Variants in GTF2E2 observed in about 807,000 individuals in gnomAD.
GTF2E2 encodes general transcription factor IIE subunit 2, also known as transcription initiation factor IIE subunit beta.
In GTF2E2, 21 loss-of-function variants were observed where a neutral mutation model predicts 40.5. That is an observed-to-expected ratio of 0.52 (90% CI 0.37 to 0.75). GTF2E2 has a LOEUF of 0.75. Ranked by LOEUF, GTF2E2 falls within the 30% of genes least tolerant of loss-of-function variation. The probability of loss-of-function intolerance (pLI) is 0.00; values close to 1 mark genes in which losing one functional copy is unlikely to be tolerated. For missense variants in GTF2E2, 298 were observed against 338.4 expected, an observed-to-expected ratio of 0.88 and a Z score of 0.94; for synonymous variants, 117 against 121.6, an observed-to-expected ratio of 0.96 and a Z score of 0.25.
At chr8:30,615,661 G>A (rs1199901161) in intron 3 of GTF2E2, among the ~76,000 whole-genome samples, 5 of 152,008 alleles carry the variant, frequency 3.3e-5, no homozygotes, top group South Asian at 2.1e-4. Context: ...ACACACACAC[G>A]TAGATACCAA....
intron 6 of GTF2E2, among the ~76,000 whole-genome samples, chr8:30,601,001 T>G (rs1829164734): frequency 6.6e-6 from 1 of 152,234 alleles, no homozygotes; most frequent in South Asian, 2.1e-4. Flanking sequence ...ACGTGTCCGT[T>G]TTCAATGGGT....
chr8:30,653,340 G>A (rs1251095041), intron 2 of GTF2E2, 93 bp downstream of exon 2: 1 of 887,952 alleles, frequency 1.1e-6, no homozygotes, highest in Admixed American at 2.2e-5. Flanking sequence ...ATCAACATGA[G>A]TGCTGAACTG....
chr8:30,634,998 A>T (rs1397105425), intron 3 of GTF2E2, 34 bp downstream of exon 3: 9 of 1,186,748 alleles, frequency 7.6e-6, no homozygotes, highest in Non-Finnish European at 1.1e-5. Context: ...CAAAAAGTTA[A>T]ATAGGACTTT....
At chr8:30,602,782 G>T (rs571169817) in intron 6 of GTF2E2, among the ~76,000 whole-genome samples, 3 of 148,086 alleles carry the variant, frequency 2.0e-5, no homozygotes, top group Non-Finnish European at 4.5e-5. Context: ...GGTGTTCACT[G>T]AATCTGGTGA....
chr8:30,606,808 T>C (rs146760859), intron 6 of GTF2E2, among the ~76,000 whole-genome samples: 34 of 152,296 alleles, frequency 2.2e-4, no homozygotes, highest in Non-Finnish European at 4.6e-4. Flanking sequence ...TCAGTTGAGC[T>C]ATAAACATTA....
chr8:30,604,231 T>A (rs1829260156), intron 6 of GTF2E2, among the ~76,000 whole-genome samples: 1 of 152,060 alleles, frequency 6.6e-6, no homozygotes, highest in Non-Finnish European at 1.5e-5. Context: ...TTGTCCTAAA[T>A]ACATTAATAT....
At chr8:30,599,028 T>C (rs1478280260) in intron 6 of GTF2E2, among the ~76,000 whole-genome samples, 1 of 152,128 alleles carries the variant, frequency 6.6e-6, no homozygotes, top group Non-Finnish European at 1.5e-5. Flanking sequence ...AACAAGATAC[T>C]CTTTATGTTC....
intron 3 of GTF2E2, among the ~76,000 whole-genome samples, chr8:30,631,383 A>T (rs557792126): frequency 2.0e-5 from 3 of 152,220 alleles, no homozygotes; most frequent in African/African-American, 7.2e-5. Flanking sequence ...AAGAAAAAGC[A>T]TATTTAGAGA....
intron 6 of GTF2E2, among the ~76,000 whole-genome samples, chr8:30,583,012 C>A (rs1440824230): frequency 1.3e-5 from 2 of 152,108 alleles, no homozygotes; most frequent in Non-Finnish European, 2.9e-5. Flanking sequence ...TTATTTCCAT[C>A]ATTCCTTCCA....
intron 6 of GTF2E2, chr8:30,596,804 T>C (rs1469788429): frequency 1.3e-5 from 2 of 152,204 alleles, no homozygotes; most frequent in African/African-American, 4.8e-5. Flanking sequence ...CTTTAGTGTG[T>C]GGAGGTTGAG....
At chr8:30,586,607 A>G (rs1828693284) in intron 6 of GTF2E2, among the ~76,000 whole-genome samples, 1 of 152,206 alleles carries the variant, frequency 6.6e-6, no homozygotes, top group South Asian at 2.1e-4. Context: ...GAAACAAACA[A>G]AACTAGAGGT....
chr8:30,610,440 T>G (rs1829446956), intron 5 of GTF2E2, among the ~76,000 whole-genome samples: 1 of 105,632 alleles, frequency 9.5e-6, no homozygotes, highest in Admixed American at 1.0e-4. Context: ...TGTGACTCTG[T>G]CTCAAAAAAA....
chr8:30,635,161 T>C (rs771688632), intron 2 of GTF2E2, 38 bp from the exon 3 acceptor site: 8 of 1,123,712 alleles, frequency 7.1e-6, no homozygotes, highest in Non-Finnish European at 9.4e-6. Flanking sequence ...TCATATTATG[T>C]GTGATTATGA....
At chr8:30,584,715 C>T (rs1215629031) in intron 6 of GTF2E2, 1 of 152,196 alleles carries the variant, frequency 6.6e-6, no homozygotes, top group Non-Finnish European at 1.5e-5. Flanking sequence ...CCAAATAACG[C>T]ACTCACATTT....
intron 3 of GTF2E2, among the ~76,000 whole-genome samples, chr8:30,617,887 T>C (rs1257290794): frequency 6.6e-6 from 1 of 152,144 alleles, no homozygotes; most frequent in Admixed American, 6.5e-5. Context: ...CGGGCAGCTA[T>C]AGTACAGCAG....
At chr8:30,629,504 G>A (rs1197822165) in intron 3 of GTF2E2, among the ~76,000 whole-genome samples, 2 of 151,964 alleles carry the variant, frequency 1.3e-5, no homozygotes, top group African/African-American at 4.8e-5. Context: ...GGCTAACACG[G>A]TGAAACCCCG....
intron 6 of GTF2E2, 101 bp from the exon 7 acceptor site, chr8:30,580,497 G>T (rs543415061): frequency 8.6e-6 from 6 of 699,310 alleles, no homozygotes; most frequent in Admixed American, 4.2e-5. Context: ...GGATCCAAAT[G>T]AGCACATCTG....
At position 30,622,577 on chromosome 8, in the gene GTF2E2, G is replaced by A. The variant is rs186981504; in HGVS notation, c.259-7862C>T. Reference sequence around the variant, plus strand: ...AGGAGACAGGGTTTTGAGAGCAACCGGTCTGACCAAAATTTATTGGGCGGG... The same window carrying A: ...AGGAGACAGGGTTTTGAGAGCAACCAGTCTGACCAAAATTTATTGGGCGGG... On this transcript the variant is annotated intron_variant, in intron 3 of 7. Coordinates refer to ENST00000355904, the MANE Select transcript of GTF2E2 (RefSeq NM_002095.6). 2.1e-3 allele frequency among the ~76,000 whole-genome samples: 315 copies of A among 152,022 alleles called. 1 individual carries two copies. The highest frequency in any genetic ancestry group is 3.4e-3 in the Middle Eastern group (1 of 294).
intron 2 of GTF2E2, among the ~76,000 whole-genome samples, chr8:30,650,427 T>C (rs1279138632): frequency 1.3e-5 from 2 of 151,530 alleles, no homozygotes; most frequent in African/African-American, 4.9e-5. Context: ...CAGTAGCTTA[T>C]GCCTATAATC....
Sources: gnomAD v4.1 joint callset for allele counts (sites outside exome capture counted in the v4.1 genomes callset) on GRCh38, gnomAD v4.1.1 for gene constraint, MANE v1.5 for transcripts, NCBI Gene and HGNC (gene_info 2026-07-23, HGNC 2026-07-21) for gene names.